The following KCNQ1 variants were observed in gnomAD, a reference collection of about 807,000 sequenced individuals.
The protein encoded by KCNQ1 is potassium voltage-gated channel subfamily Q member 1.
A neutral mutation model predicts 72.4 loss-of-function variants in KCNQ1; 49 were observed. That is an observed-to-expected ratio of 0.68 (90% confidence interval 0.54 to 0.86). KCNQ1 has a LOEUF of 0.86. KCNQ1 is among the 40% of genes least tolerant of loss of function. KCNQ1 has a pLI of 0.00. For missense variants in KCNQ1, 790 were observed against 945.1 expected (o/e 0.84, Z 2.15); for synonymous variants, 450 against 412.6 (o/e 1.09, Z -1.10).
At chr11:2,660,681 T>A (rs1849936669) in intron 10 of KCNQ1, 1 of 398,516 alleles carries the variant, frequency 2.5e-6, no homozygotes, top group African/African-American at 2.1e-5. Flanking sequence ...TGCTTGATAG[T>A]CCCTGCAAAA....
At position 2,711,548 on chromosome 11, in the gene KCNQ1, G is replaced by A. The variant is rs557999888; in HGVS notation, c.1514+49467G>A. 2.0e-5 allele frequency among the ~76,000 whole-genome samples: 3 copies of A among 152,076 alleles called. No homozygotes were observed. Among genetic ancestry groups the A allele is most frequent in the South Asian group, 2.1e-4 (1 of 4,824 alleles). ...ACCTTGGGTGTCGCCTGCCCAGAAC[G>A]GGGCTCTCGGAGGCCAGGGTGACTC... On this transcript the variant is annotated intron_variant, in intron 11 of 15. Transcript: ENST00000155840. The surrounding 1 kb of genome is among the most constrained non-coding windows in gnomAD (Gnocchi z 5.4).
chr11:2,845,224 C>T (rs35684569), intron 15 of KCNQ1, among the ~76,000 whole-genome samples: 1 of 152,220 alleles, frequency 6.6e-6, no homozygotes, highest in Admixed American at 6.5e-5. Context: ...CCACCCTGCC[C>T]TCTGCTTTCG....
chr11:2,500,795 G>A (rs970344039), intron 1 of KCNQ1, among the ~76,000 whole-genome samples: 1 of 135,306 alleles, frequency 7.4e-6, no homozygotes, highest in Non-Finnish European at 1.5e-5. Context: ...AACACCACAT[G>A]TTCTCACTCA....
rs1368838192 is a variant in KCNQ1, at chr11:2,826,858, C to G, written c.1795-20909C>G. Among the ~76,000 whole-genome samples the G allele has an allele frequency of 6.6e-6, 1 of 152,226 alleles. No homozygotes were observed. The highest frequency in any genetic ancestry group is 1.9e-4 in the East Asian group (1 of 5,198). On this transcript the variant is annotated intron_variant, in intron 15 of 15. Transcript: ENST00000155840. The surrounding 1 kb of genome is among the most constrained non-coding windows in gnomAD (Gnocchi z 4.2). ...GACACACAGGCCAGCAGCCTGTAAA[C>G]CACTGGGTGTGGGGTGTCTGGTCCT...
intron 10 of KCNQ1, among the ~76,000 whole-genome samples, chr11:2,597,477 C>T (rs1174511995): frequency 6.6e-6 from 1 of 152,074 alleles, no homozygotes; most frequent in Non-Finnish European, 1.5e-5. Context: ...GTTAAACAGC[C>T]ATCAAAACTG....
intron 1 of KCNQ1, among the ~76,000 whole-genome samples, chr11:2,454,078 T>C (rs1231113350): frequency 1.3e-5 from 2 of 152,136 alleles, no homozygotes; most frequent in Non-Finnish European, 2.9e-5. Context: ...CGTATCAGGA[T>C]GCTTTTTAAG....
Position 2,612,520 on chromosome 11 carries a change from T to A in KCNQ1, c.1393+23666T>A, listed in dbSNP as rs1848998162. 2.5e-6 allele frequency: 1 copy of A among 398,516 alleles called. No homozygotes were observed. Among genetic ancestry groups the A allele is most frequent in the South Asian group, 1.3e-4 (1 of 7,862 alleles). 24.7% of individuals were successfully genotyped at this position (398,516 alleles called of 1,614,324 possible). ...GATTCTTTCTTCTGCCAGGTCAAAT[T>A]TGCTTAGCCGCACTAGTGAGTTTTT... is the stretch of plus-strand genomic sequence containing the variant. On this transcript the variant is annotated intron_variant, in intron 10 of 15. Coordinates refer to ENST00000155840, the MANE Select transcript of KCNQ1 (RefSeq NM_000218.3). This position sits in a 1 kb window ranked among gnomAD's most constrained non-coding sequence, Gnocchi z 5.5.
rs1211446640 is a variant in KCNQ1 at position 2,651,137 on chromosome 11, GGA to G, written c.1394-10822_1394-10821del. On this transcript the variant is annotated intron_variant, in intron 10 of 15. Transcript: ENST00000155840. This position sits in a 1 kb window ranked among gnomAD's most constrained non-coding sequence, Gnocchi z 6.1. Reference sequence around the variant, plus strand: ...TCCATTCTTCACATAACAGCTCAAGGGAGTTCTTTAAATGTACAGTGGATCTT... The same window carrying G: ...TCCATTCTTCACATAACAGCTCAAGGGTTCTTTAAATGTACAGTGGATCTT... The G allele has an allele frequency of 2.5e-6, 1 of 398,508 alleles. No homozygotes were observed. Among genetic ancestry groups the G allele is most frequent in the East Asian group, 3.6e-5 (1 of 28,094 alleles). The allele number at this position is 398,508 out of a possible 1,614,324, so 24.7% of individuals were successfully genotyped here.
chr11:2,584,689 CAGTGTGTGTGTGTT>C (rs2133753660), intron 7 of KCNQ1, among the ~76,000 whole-genome samples: 1 of 150,798 alleles, frequency 6.6e-6, no homozygotes, highest in East Asian at 2.0e-4. Context: ...GTGTGTGTGT[CAGTGTGTGTGTGTT>C]AGTGTGCATA....
At chr11:2,727,884 G>A (rs1361597648) in intron 11 of KCNQ1, among the ~76,000 whole-genome samples, 1 of 152,166 alleles carries the variant, frequency 6.6e-6, no homozygotes, top group African/African-American at 2.4e-5. Flanking sequence ...GCACTGTGGG[G>A]CTTTGCTGTG....
intron 10 of KCNQ1, chr11:2,630,677 T>G (rs1849338235): frequency 2.5e-6 from 1 of 398,318 alleles, no homozygotes; most frequent in Non-Finnish European, 4.4e-6. Flanking sequence ...ATCAGTGAAT[T>G]TTGTACTTTC....
chr11:2,454,058 C>T (rs1846150619), intron 1 of KCNQ1, among the ~76,000 whole-genome samples: 2 of 152,024 alleles, frequency 1.3e-5, no homozygotes, highest in South Asian at 4.1e-4. Flanking sequence ...GTATGAGCCA[C>T]CACACCTGGC....
In KCNQ1 at chr11:2,677,669, T is replaced by C; in HGVS notation, c.1514+15588T>C. The C allele has an allele frequency of 1.0e-5, 4 of 398,600 alleles. No homozygotes were observed. Among genetic ancestry groups the C allele is most frequent in the Non-Finnish European group, 1.8e-5 (4 of 226,050 alleles). The allele number at this position is 398,600 out of a possible 1,614,324, so 24.7% of individuals were successfully genotyped here. A position where few individuals can be genotyped will look rare whatever the true frequency, so the allele number is the denominator to read the frequency against. On this transcript the variant is annotated intron_variant, in intron 11 of 15. Transcript: ENST00000155840. This position sits in a 1 kb window ranked among gnomAD's most constrained non-coding sequence, Gnocchi z 4.5. ...AACTGTTATTGCATATGAGATAAAA[T>C]AATATTTTAACTACTGTTATTTTTC...
At chr11:2,847,540 C>G (rs561743255) in intron 15 of KCNQ1, among the ~76,000 whole-genome samples, 1 of 152,208 alleles carries the variant, frequency 6.6e-6, no homozygotes, top group Non-Finnish European at 1.5e-5. Flanking sequence ...CCAGCACGCA[C>G]GGGATGGACT....
chr11:2,591,695 C>T (rs949513404), intron 10 of KCNQ1, among the ~76,000 whole-genome samples: 1 of 152,258 alleles, frequency 6.6e-6, no homozygotes, highest in Non-Finnish European at 1.5e-5. Context: ...TTAGTGCTGT[C>T]TGCGGAATGT....
At chr11:2,758,414 C>T (rs1050633704) in intron 11 of KCNQ1, among the ~76,000 whole-genome samples, 11 of 152,154 alleles carry the variant, frequency 7.2e-5, no homozygotes, top group Admixed American at 3.9e-4. Context: ...CAAATGTTGG[C>T]GAGGATGTGG....
intron 8 of KCNQ1, among the ~76,000 whole-genome samples, chr11:2,587,223 A>G (rs182792631): frequency 1.3e-3 from 204 of 152,208 alleles, no homozygotes; most frequent in African/African-American, 4.6e-3. Context: ...CACGCTGTGT[A>G]CCCTGGCACC....
In KCNQ1 at chr11:2,809,717, G is replaced by A. The variant is rs534834418; in HGVS notation, c.1794+31680G>A. On this transcript the variant is annotated intron_variant, in intron 15 of 15. Transcript: ENST00000155840. The surrounding 1 kb of genome is among the most constrained non-coding windows in gnomAD (Gnocchi z 7.1). ...TGTTGGCCTTTATCATCTCCACCAC[G>A]TGCTCAACACTCCAGGCCAGAGCCC... Among the ~76,000 whole-genome samples the A allele has an allele frequency of 2.6e-3, 321 of 121,870 alleles. No individual in the cohort carries two copies. The highest frequency in any genetic ancestry group is 9.2e-3 in the African/African-American group (280 of 30,308). The allele number at this position is 121,870 out of a possible 152,430, so 80.0% of individuals were successfully genotyped here. A position where few individuals can be genotyped will look rare whatever the true frequency, so the allele number is the denominator to read the frequency against.
chr11:2,580,304 G>A (rs1564823409), intron 6 of KCNQ1, among the ~76,000 whole-genome samples: 1 of 152,072 alleles, frequency 6.6e-6, no homozygotes. Context: ...GCCCCTTGGT[G>A]CCCCTGACGG....
Sources: allele counts gnomAD v4.1 joint callset (sites outside exome capture counted in the v4.1 genomes callset), GRCh38; gene constraint gnomAD v4.1.1; non-coding constraint Gnocchi (gnomAD v3.1); transcripts MANE v1.5; gene names NCBI Gene and HGNC (gene_info 2026-07-23, HGNC 2026-07-21).